Variants in APBB1IP observed in about 807,000 individuals in gnomAD.
The protein encoded by APBB1IP is amyloid beta A4 precursor protein-binding family B member 1-interacting protein.
A neutral mutation model predicts 64.9 loss-of-function variants in APBB1IP; 27 were observed. The ratio of observed to expected loss-of-function variants is 0.42; its 90% CI spans 0.31 to 0.57. APBB1IP has a LOEUF of 0.57. Among genes scored for constraint, APBB1IP ranks in the 20% least tolerant of loss-of-function variants. The pLI, the probability that APBB1IP is intolerant of heterozygous loss-of-function variation, is 0.20. For synonymous variants in APBB1IP, 392 were observed against 331.0 expected (o/e 1.18, Z -2.00); for missense variants, 812 against 845.5 (o/e 0.96, Z 0.49).
chr10:26,460,627 G>T (rs1835578368), intron 2 of APBB1IP, among the ~76,000 whole-genome samples: 1 of 152,132 alleles, frequency 6.6e-6, no homozygotes, highest in Non-Finnish European at 1.5e-5. Context: ...GCCATAAAAG[G>T]GAATGAGATC....
intron 8 of APBB1IP, among the ~76,000 whole-genome samples, chr10:26,519,094 A>G (rs1588599832): frequency 6.8e-6 from 1 of 146,964 alleles, no homozygotes. Flanking sequence ...GGCCAACGTG[A>G]TGAAACCCTG....
intron 6 of APBB1IP, chr10:26,509,721 C>T (rs930754243): frequency 3.3e-5 from 5 of 152,198 alleles, no homozygotes; most frequent in African/African-American, 1.2e-4. Flanking sequence ...CTAATCCAAA[C>T]TTGTGGAGAG....
chr10:26,543,209 G>T (rs1393132802), intron 11 of APBB1IP, among the ~76,000 whole-genome samples: 1 of 151,980 alleles, frequency 6.6e-6, no homozygotes, highest in East Asian at 1.9e-4. Flanking sequence ...GCTCACACCT[G>T]TAGTCCCAAC....
In APBB1IP at chr10:26,567,012, C is replaced by T; in HGVS notation, c.1525C>T (p.Pro509Ser). Reference sequence around the variant, plus strand: ...CCACGACCCGGCAGTGCCCCGGGCCCCGCACGCCCCCAAGTCCAGCCTGCC... The same window carrying T: ...CCACGACCCGGCAGTGCCCCGGGCCTCGCACGCCCCCAAGTCCAGCCTGCC... ...NHHDPAVPRA[P>S]HAPKSSLPPP... Residue 509 changes from proline to serine, a missense_variant, in exon 15 of 15, where the codon CCG (proline) becomes TCG (serine). Coordinates refer to ENST00000376236, the MANE Select transcript of APBB1IP (RefSeq NM_019043.4). 1 of 1,572,996 alleles carries T rather than the reference C, an allele frequency of 6.4e-7. No individual in the cohort carries two copies. Among genetic ancestry groups the T allele is most frequent in the Non-Finnish European group, 8.6e-7 (1 of 1,169,250 alleles).
chr10:26,510,186 C>T (rs1836235170), intron 6 of APBB1IP, among the ~76,000 whole-genome samples: 1 of 152,010 alleles, frequency 6.6e-6, no homozygotes, highest in African/African-American at 2.4e-5. Flanking sequence ...GTCAGGCTGG[C>T]CTTGAATTCC....
chr10:26,512,225 G>A (rs1836270531), intron 7 of APBB1IP, among the ~76,000 whole-genome samples: 1 of 152,152 alleles, frequency 6.6e-6, no homozygotes, highest in African/African-American at 2.4e-5. Flanking sequence ...GAAGAACTTG[G>A]ATTCTAGCAG....
rs778555433 is a variant in APBB1IP at position 26,567,300 on chromosome 10, CCGCCCGCGCCCG to C, written c.1821_1832del (p.Ala609_Pro612del). ...AGAGCTGCCCCCGCCGCCGCCGCCGCCGCCCGCGCCCGCGCCCGCCCCCGTCCCCGACTCCGC... is the reference window on the plus strand; with the variant it reads ...AGAGCTGCCCCCGCCGCCGCCGCCGCCGCCCGCCCCCGTCCCCGACTCCGC... On this transcript the variant is annotated inframe_deletion, in exon 15 of 15. Transcript: ENST00000376236. 2 of 1,076,988 alleles carry C rather than the reference CCGCCCGCGCCCG, an allele frequency of 1.9e-6. No individual in the cohort carries two copies. The highest frequency in any genetic ancestry group is 1.1e-6 in the Non-Finnish European group (1 of 883,822). The allele number at this position is 1,076,988 out of a possible 1,614,324, so 66.7% of individuals were successfully genotyped here.
At chr10:26,549,909 T>C (rs570579398) in intron 11 of APBB1IP, among the ~76,000 whole-genome samples, 3 of 152,244 alleles carry the variant, frequency 2.0e-5, no homozygotes, top group African/African-American at 4.8e-5. Flanking sequence ...TTGTTCTTAT[T>C]TTTTCTAGTT....
intron 6 of APBB1IP, among the ~76,000 whole-genome samples, chr10:26,506,761 A>T (rs1294868051): frequency 6.6e-6 from 1 of 152,106 alleles, no homozygotes; most frequent in Non-Finnish European, 1.5e-5. Flanking sequence ...AGGTGTCAGG[A>T]TCACACAGAG....
At chr10:26,446,742 G>T (rs1440684448) in intron 2 of APBB1IP, among the ~76,000 whole-genome samples, 3 of 152,120 alleles carry the variant, frequency 2.0e-5, no homozygotes, top group Non-Finnish European at 4.4e-5. Context: ...AGCATGGTGG[G>T]TCACACCTAT....
At chr10:26,469,258 C>CTTTTTTTTTTTTTTT (rs386361721) in intron 2 of APBB1IP, among the ~76,000 whole-genome samples, 6 of 112,946 alleles carry the variant, frequency 5.3e-5, no homozygotes, top group African/African-American at 2.1e-4. Flanking sequence ...CTTTTCTTTT[C>CTTTTTTTTTTTTTTT]TTTTTTTTTT....
At chr10:26,563,579 C>A (rs1041629929) in intron 14 of APBB1IP, among the ~76,000 whole-genome samples, 5 of 152,128 alleles carry the variant, frequency 3.3e-5, no homozygotes, top group African/African-American at 1.2e-4. Flanking sequence ...TATTTAGTTA[C>A]TAATTTAGTT....
chr10:26,440,279 T>A (rs1290876830), intron 2 of APBB1IP, among the ~76,000 whole-genome samples: 1 of 152,178 alleles, frequency 6.6e-6, no homozygotes, highest in Non-Finnish European at 1.5e-5. Flanking sequence ...TTGGGCTACA[T>A]TATGTCTGTT....
chr10:26,539,350 T>A (rs2132467805), intron 10 of APBB1IP, among the ~76,000 whole-genome samples: 1 of 150,980 alleles, frequency 6.6e-6, no homozygotes, highest in East Asian at 2.0e-4. Context: ...AGGTCAAGAC[T>A]TCAGTGAGCC....
chr10:26,519,542 C>T (rs971506186), intron 8 of APBB1IP, among the ~76,000 whole-genome samples: 5 of 152,142 alleles, frequency 3.3e-5, no homozygotes, highest in Admixed American at 3.3e-4. Flanking sequence ...TGGTGCTAAA[C>T]TGTTAGAAAT....
chr10:26,536,400 A>G (rs1359954835), intron 10 of APBB1IP, among the ~76,000 whole-genome samples, 183 bp downstream of exon 10: 2 of 152,164 alleles, frequency 1.3e-5, no homozygotes. Flanking sequence ...GCTCTCTTGA[A>G]GGTAAAAGTA....
chr10:26,452,194 C>T (rs1835472996), intron 2 of APBB1IP, among the ~76,000 whole-genome samples: 1 of 151,850 alleles, frequency 6.6e-6, no homozygotes, highest in Admixed American at 6.6e-5. Flanking sequence ...CAAATAAAAC[C>T]TTAAAAAGGT....
At position 26,527,685 on chromosome 10, in the gene APBB1IP, CTTT is replaced by C. The variant is rs768509910; in HGVS notation, c.814-5732_814-5730del. On this transcript the variant is annotated intron_variant, in intron 8 of 14. Coordinates refer to ENST00000376236, the MANE Select transcript of APBB1IP (RefSeq NM_019043.4). ...GACTTAGATTTAGGTAGGTCCATGT[CTTT>C]TTTTTTTTTTTTTTTTTTTTTGAGA... is the stretch of plus-strand genomic sequence containing the variant. Among the ~76,000 whole-genome samples the C allele has an allele frequency of 2.8e-4, 19 of 68,626 alleles. No homozygotes were observed. The East Asian group carries it at 7.2e-3, about 26-fold the overall frequency. 45.0% of individuals were successfully genotyped at this position (68,626 alleles called of 152,430 possible).
chr10:26,481,976 T>C (rs1417317024), intron 2 of APBB1IP, among the ~76,000 whole-genome samples: 1 of 152,124 alleles, frequency 6.6e-6, no homozygotes, highest in Non-Finnish European at 1.5e-5. Flanking sequence ...AAAATGTTAT[T>C]TACAGGTAAC....
Sources: allele counts gnomAD v4.1 joint callset (sites outside exome capture counted in the v4.1 genomes callset), GRCh38; gene constraint gnomAD v4.1.1; transcripts MANE v1.5; gene names NCBI Gene and HGNC (gene_info 2026-07-23, HGNC 2026-07-21).